SH3RF1: variants seen among roughly 807,000 people sequenced by gnomAD.
The protein encoded by SH3RF1 is SH3 domain containing ring finger 1.
SH3RF1 carries 32 observed loss-of-function variants against 74.0 expected under a neutral mutation model. The ratio of observed to expected loss-of-function variants is 0.43; its 90% confidence interval spans 0.33 to 0.58. The LOEUF is 0.58. Ranked by LOEUF, SH3RF1 falls within the 20% of genes least tolerant of loss-of-function variation. The pLI, the probability that SH3RF1 is intolerant of heterozygous loss-of-function variation, is 0.05. For missense variants in SH3RF1, 954 were observed against 1,130.9 expected (o/e 0.84, Z 2.24); for synonymous variants, 396 against 439.6 (o/e 0.90, Z 1.24).
chr4:169,132,164 AAC>A, intron 5 of SH3RF1, among the ~76,000 whole-genome samples: 1 of 152,236 alleles, frequency 6.6e-6, no homozygotes, highest in East Asian at 1.9e-4. Context: ...CTCCACTGGT[AAC>A]AGACATTATT....
At chr4:169,237,031 C>A (rs1047648009) in intron 2 of SH3RF1, among the ~76,000 whole-genome samples, 60 of 152,214 alleles carry the variant, frequency 3.9e-4, no homozygotes, top group African/African-American at 1.2e-3. Flanking sequence ...TATGCACACG[C>A]TCCCTTCTCA....
chr4:169,259,524 G>A (rs530947249), intron 2 of SH3RF1, among the ~76,000 whole-genome samples: 4 of 152,246 alleles, frequency 2.6e-5, no homozygotes, highest in Middle Eastern at 3.4e-3. Context: ...ACATATACGC[G>A]ACAAAAGGAT....
At chr4:169,171,350 AGTTT>A (rs1398641418) in intron 2 of SH3RF1, among the ~76,000 whole-genome samples, 1 of 152,168 alleles carries the variant, frequency 6.6e-6, no homozygotes, top group East Asian at 1.9e-4. Context: ...AATTATGTTG[AGTTT>A]GTTTCTCTTT....
At chr4:169,138,410 C>G (rs905345608) in intron 4 of SH3RF1, among the ~76,000 whole-genome samples, 3 of 152,204 alleles carry the variant, frequency 2.0e-5, no homozygotes, top group Admixed American at 6.5e-5. Context: ...GAAGGGCCAG[C>G]ACACCTGGCA....
rs1185628268 is a variant in SH3RF1, at chr4:169,252,181, T to C, written c.393+16639A>G. ...TGAGTTTTCCAGCTTATGAATTCTA[T>C]CACAGCTTACTTTTTCAAACAGTGA... On this transcript the variant is annotated intron_variant, in intron 2 of 11. Coordinates refer to ENST00000284637, the MANE Select transcript of SH3RF1 (RefSeq NM_020870.4). Among the ~76,000 whole-genome samples the C allele has an allele frequency of 2.6e-5, 4 of 152,244 alleles. No individual in the cohort carries two copies. In the East Asian group the frequency reaches 5.8e-4, roughly 22 times the overall value.
chr4:169,121,730 T>C (rs1386114201), intron 7 of SH3RF1, among the ~76,000 whole-genome samples: 2 of 152,224 alleles, frequency 1.3e-5, no homozygotes, highest in Non-Finnish European at 2.9e-5. Context: ...TGGATACTCA[T>C]TGCTGAGGAC....
At chr4:169,109,968 T>G (rs1733211883) in intron 10 of SH3RF1, among the ~76,000 whole-genome samples, 1 of 146,582 alleles carries the variant, frequency 6.8e-6, no homozygotes, top group South Asian at 2.2e-4. Context: ...GCTATGACCA[T>G]GCCACTGCAC....
In SH3RF1 at chr4:169,127,409, C is replaced by T. The variant is rs184703949; in HGVS notation, c.1179+2637G>A. The stretch of plus-strand genomic sequence containing the variant: ...TGCTGTTAATAGTACTCACAGTCTT[C>T]GGAACCAATTCAAATTTTAAATAGA... On this transcript the variant is annotated intron_variant, in intron 6 of 11. Coordinates refer to ENST00000284637, the MANE Select transcript of SH3RF1 (RefSeq NM_020870.4). Among the ~76,000 whole-genome samples the T allele has an allele frequency of 4.3e-3, 661 of 152,264 alleles. 6 individuals carry two copies. The highest frequency in any genetic ancestry group is 0.015 in the African/African-American group (633 of 41,542).
At chr4:169,104,974 C>T (rs1733108059) in intron 11 of SH3RF1, among the ~76,000 whole-genome samples, 1 of 151,322 alleles carries the variant, frequency 6.6e-6, no homozygotes, top group African/African-American at 2.4e-5. Context: ...TTATTCTTTT[C>T]CATTTTTCCC....
intron 2 of SH3RF1, among the ~76,000 whole-genome samples, chr4:169,185,832 G>A (rs943070242): frequency 2.6e-5 from 4 of 152,226 alleles, no homozygotes; most frequent in African/African-American, 9.6e-5. Context: ...AATGAGATCC[G>A]AGAGGGGGCA....
At chr4:169,262,840 T>G (rs6817130) in intron 2 of SH3RF1, among the ~76,000 whole-genome samples, 2 of 152,024 alleles carry the variant, frequency 1.3e-5, no homozygotes, top group Non-Finnish European at 2.9e-5. Context: ...CCTTCTACCC[T>G]GTTCAAGATC....
At chr4:169,258,771 ATG>A (rs951266721) in intron 2 of SH3RF1, among the ~76,000 whole-genome samples, 1 of 152,206 alleles carries the variant, frequency 6.6e-6, no homozygotes, top group African/African-American at 2.4e-5. Flanking sequence ...TGTTTATTCT[ATG>A]TGTTTGTTTT....
Position 169,096,645 on chromosome 4 carries a change from T to C in SH3RF1, c.2541A>G (p.Glu847=). ...VVSYPPQSEA[E]LELKEGDIVF... is the part of the protein sequence containing the mutation. The stretch of plus-strand genomic sequence containing the variant: ...CAATATCTCCTTCTTTAAGTTCAAG[T>C]TCTGCCTCACTCTGAGGAGGATAGG... The change falls in exon 12 of 12, where the codon GAA becomes GAG. Residue 847 remains glutamate (E), a synonymous_variant. Transcript: ENST00000284637. 1 of 1,614,148 alleles carries C rather than the reference T, an allele frequency of 6.2e-7. No homozygotes were observed. Among genetic ancestry groups the C allele is most frequent in the Non-Finnish European group, 8.5e-7 (1 of 1,180,004 alleles).
chr4:169,181,501 T>C (rs992210062), intron 2 of SH3RF1, among the ~76,000 whole-genome samples: 3 of 151,966 alleles, frequency 2.0e-5, no homozygotes, highest in African/African-American at 7.3e-5. Context: ...GACCTCATGA[T>C]CCACCCGCCT....
chr4:169,144,867 C>G (rs1733847317), intron 4 of SH3RF1, among the ~76,000 whole-genome samples: 1 of 151,840 alleles, frequency 6.6e-6, no homozygotes, highest in Non-Finnish European at 1.5e-5. Context: ...GGGGATCGTA[C>G]TAGTTGGTGA....
At chr4:169,260,343 G>C (rs1282818612) in intron 2 of SH3RF1, among the ~76,000 whole-genome samples, 2 of 152,146 alleles carry the variant, frequency 1.3e-5, no homozygotes, top group Admixed American at 6.5e-5. Flanking sequence ...GAGAAGGACT[G>C]CTTTCCTGCT....
intron 2 of SH3RF1, among the ~76,000 whole-genome samples, chr4:169,225,297 T>G (rs372806555): frequency 9.3e-4 from 142 of 151,976 alleles, no homozygotes; most frequent in African/African-American, 2.2e-3. Flanking sequence ...ACTTCACAGG[T>G]AGGAAAAGTC....
intron 2 of SH3RF1, among the ~76,000 whole-genome samples, chr4:169,202,771 ATGT>A (rs1734932368): frequency 6.6e-6 from 1 of 152,206 alleles, no homozygotes; most frequent in Non-Finnish European, 1.5e-5. Context: ...TCCCTTAGAT[ATGT>A]TGTTGTCATC....
At chr4:169,233,588 T>C (rs1019192935) in intron 2 of SH3RF1, among the ~76,000 whole-genome samples, 10 of 152,202 alleles carry the variant, frequency 6.6e-5, no homozygotes, top group Non-Finnish European at 1.2e-4. Context: ...CGAATTGTCA[T>C]TGTAAGTCAT....
Sources: gnomAD v4.1 joint callset for allele counts (sites outside exome capture counted in the v4.1 genomes callset) on GRCh38, gnomAD v4.1.1 for gene constraint, MANE v1.5 for transcripts, NCBI Gene and HGNC (gene_info 2026-07-23, HGNC 2026-07-21) for gene names.